PRELID2: variants seen among roughly 807,000 people sequenced by gnomAD.
PRELID2 encodes PRELI domain-containing protein 2.
In PRELID2, 25 loss-of-function variants were observed where a neutral mutation model predicts 28.4. The observed-to-expected ratio is 0.88, with a 90% CI of 0.64 to 1.23. The LOEUF (loss-of-function observed/expected upper bound fraction) is 1.23, where lower values mean the gene tolerates loss of function less well. PRELID2 is among the 50% of genes most tolerant of loss of function. PRELID2 has a pLI of 0.00. For missense variants in PRELID2, 201 were observed against 214.4 expected, an observed-to-expected ratio of 0.94 and a Z score of 0.39; for synonymous variants, 76 against 71.6, an observed-to-expected ratio of 1.06 and a Z score of -0.31.
At chr5:145,655,442 A>G (rs1754376767) in intron 1 of PRELID2, among the ~76,000 whole-genome samples, 1 of 152,206 alleles carries the variant, frequency 6.6e-6, no homozygotes, top group African/African-American at 2.4e-5. Context: ...GCATTGCCAA[A>G]ACAATTCTAA....
the PRELID2 span, among the ~76,000 whole-genome samples, chr5:145,357,775 A>G: frequency 6.6e-6 from 1 of 152,176 alleles, no homozygotes; most frequent in African/African-American, 2.4e-5. Context: ...GTTAAGAACC[A>G]TTGCTGAGGA....
At chr5:145,686,332 C>T (rs977920652) in intron 1 of PRELID2, among the ~76,000 whole-genome samples, 3 of 152,024 alleles carry the variant, frequency 2.0e-5, no homozygotes, top group African/African-American at 4.8e-5. Flanking sequence ...TAACTAAATT[C>T]GAATGAATAT....
At chr5:145,339,726 C>T in the PRELID2 span, among the ~76,000 whole-genome samples, 1 of 152,168 alleles carries the variant, frequency 6.6e-6, no homozygotes, top group Admixed American at 6.5e-5. Flanking sequence ...GAAAACTGCA[C>T]TTCCCGCAAT....
chr5:145,552,998 C>T (rs975334201), intron 1 of PRELID2, among the ~76,000 whole-genome samples: 6 of 152,128 alleles, frequency 3.9e-5, no homozygotes, highest in Admixed American at 3.3e-4. Context: ...GAAAATATTA[C>T]TCCTTCTACC....
chr5:145,294,608 C>T, the PRELID2 span, among the ~76,000 whole-genome samples: 14 of 152,042 alleles, frequency 9.2e-5, no homozygotes, highest in Non-Finnish European at 2.1e-4. Context: ...ATTGGACACC[C>T]GCTAAAGTTT....
chr5:145,690,557 G>C (rs2217647), intron 1 of PRELID2, among the ~76,000 whole-genome samples: 37 of 152,264 alleles, frequency 2.4e-4, no homozygotes, highest in Non-Finnish European at 4.3e-4. Context: ...TTGAATATAG[G>C]GATGCTACAT....
At chr5:145,621,297 A>G (rs1753770561) in intron 1 of PRELID2, among the ~76,000 whole-genome samples, 1 of 151,254 alleles carries the variant, frequency 6.6e-6, no homozygotes, top group Admixed American at 6.6e-5. Context: ...TAGCAAAGAT[A>G]TTGAGAAATT....
intron 1 of PRELID2, among the ~76,000 whole-genome samples, chr5:145,608,285 T>C (rs1207527447): frequency 2.0e-5 from 3 of 152,212 alleles, no homozygotes; most frequent in Non-Finnish European, 2.9e-5. Flanking sequence ...CCTGTCATCA[T>C]GTTGTTAGCT....
At chr5:145,553,938 G>C (rs1752859449) in intron 1 of PRELID2, among the ~76,000 whole-genome samples, 1 of 152,158 alleles carries the variant, frequency 6.6e-6, no homozygotes, top group Non-Finnish European at 1.5e-5. Context: ...ATTCAAAAGT[G>C]AAGGATCGAG....
At chr5:145,740,592 A>AAT (rs1420770385) in intron 1 of PRELID2, among the ~76,000 whole-genome samples, 2 of 3,046 alleles carry the variant, frequency 6.6e-4, no homozygotes, top group South Asian at 9.3e-3. Flanking sequence ...TATATATATA[A>AAT]ATATATATAT....
chr5:145,445,227 A>C, the PRELID2 span, among the ~76,000 whole-genome samples: 1 of 152,064 alleles, frequency 6.6e-6, no homozygotes, highest in African/African-American at 2.4e-5. Context: ...AATGAATCCA[A>C]GTATCCACAG....
intron 5 of PRELID2, among the ~76,000 whole-genome samples, chr5:145,784,710 A>G (rs1411934669): frequency 6.6e-6 from 1 of 152,138 alleles, no homozygotes; most frequent in African/African-American, 2.4e-5. Context: ...TTTCCAAGGA[A>G]TATGTAATGA....
chr5:145,275,652 G>T, the PRELID2 span, among the ~76,000 whole-genome samples: 1 of 152,170 alleles, frequency 6.6e-6, no homozygotes, highest in Non-Finnish European at 1.5e-5. Context: ...GATTGCTGGG[G>T]AGAAGTGTAG....
Position 145,472,650 on chromosome 5 carries a change from G to T in PRELID2, n.187-513C>A, listed in dbSNP as rs367558338. 5.3e-3 allele frequency among the ~76,000 whole-genome samples: 806 copies of T among 152,254 alleles called. 7 individuals carry two copies. Among genetic ancestry groups the T allele is most frequent in the African/African-American group, 0.019 (775 of 41,560 alleles). On this transcript the variant is annotated intron_variant and non_coding_transcript_variant, in intron 2 of 2. Transcript: ENST00000510259. Reference sequence around the variant, plus strand: ...GAAAATTGTCTGGAGGTAGAAACAAGTTCCCCTAGTTATGTGATCTTCAGC... The same window carrying T: ...GAAAATTGTCTGGAGGTAGAAACAATTTCCCCTAGTTATGTGATCTTCAGC...
chr5:145,570,850 G>C (rs1482440225), intron 1 of PRELID2, among the ~76,000 whole-genome samples: 1 of 152,082 alleles, frequency 6.6e-6, no homozygotes, highest in Non-Finnish European at 1.5e-5. Context: ...CCTTCCCAAA[G>C]CTCCCCATCT....
At chr5:145,577,105 C>A (rs531614933) in intron 1 of PRELID2, among the ~76,000 whole-genome samples, 3 of 152,186 alleles carry the variant, frequency 2.0e-5, no homozygotes, top group African/African-American at 7.2e-5. Flanking sequence ...TTTCCTGTTA[C>A]AGAGCATCTC....
the PRELID2 span, among the ~76,000 whole-genome samples, chr5:145,436,278 T>C: frequency 6.6e-6 from 1 of 152,206 alleles, no homozygotes; most frequent in Admixed American, 6.5e-5. Context: ...TTGTTATTTA[T>C]GGCTGTGTAA....
intron 1 of PRELID2, among the ~76,000 whole-genome samples, chr5:145,740,615 A>T (rs1165230230): frequency 1.3e-4 from 1 of 7,726 alleles, no homozygotes; most frequent in Admixed American, 3.0e-3. Flanking sequence ...TATATATATA[A>T]ATATATATAT....
intron 4 of PRELID2, among the ~76,000 whole-genome samples, chr5:145,797,151 CAG>C (rs1752816012): frequency 6.6e-6 from 1 of 152,114 alleles, no homozygotes; most frequent in African/African-American, 2.4e-5. Flanking sequence ...TGTCATAAAA[CAG>C]AGATCTAGAT....
Sources: gnomAD v4.1 joint callset for allele counts (sites outside exome capture counted in the v4.1 genomes callset) on GRCh38, gnomAD v4.1.1 for gene constraint, MANE v1.5 for transcripts, NCBI Gene and HGNC (gene_info 2026-07-23, HGNC 2026-07-21) for gene names.